Variants in ELFN2 observed in about 807,000 individuals in gnomAD.
The protein encoded by ELFN2 is extracellular leucine rich repeat and fibronectin type III domain containing 2, also known as protein phosphatase 1 regulatory subunit 29.
In ELFN2, 17 loss-of-function variants were observed where a neutral mutation model predicts 45.5. The observed-to-expected ratio is 0.37, with a 90% confidence interval of 0.26 to 0.56. The LOEUF (loss-of-function observed/expected upper bound fraction) is 0.56, where lower values mean the gene tolerates loss of function less well. Among genes scored for constraint, ELFN2 ranks in the 20% least tolerant of loss-of-function variants. ELFN2 has a pLI of 0.77. For synonymous variants in ELFN2, 550 were observed against 551.5 expected (o/e 1.00, Z 0.04); for missense variants, 922 against 1,183.2 (o/e 0.78, Z 3.24).
chr22:37,427,357 C>G lies in ELFN2; in HGVS notation c.-673G>C, dbSNP rs1373949403. ...CTCCGGGAAGCGGCGGCCGCGGGGC[C>G]TGCGCGTGTGAGTGTGAGTGTGAAT... On this transcript the variant is annotated 5_prime_UTR_variant, in exon 1 of 3. Transcript: ENST00000402918. 1 of 153,042 alleles carries G rather than the reference C, an allele frequency of 6.5e-6. No individual in the cohort carries two copies. Among genetic ancestry groups the G allele is most frequent in the South Asian group, 2.1e-4 (1 of 4,862 alleles). 9.5% of individuals were successfully genotyped at this position (153,042 alleles called of 1,614,324 possible). A position where few individuals can be genotyped will look rare whatever the true frequency, so the allele number is the denominator to read the frequency against.
intron 2 of ELFN2, among the ~76,000 whole-genome samples, chr22:37,393,103 C>T (rs1208204648): frequency 6.6e-6 from 1 of 152,242 alleles, no homozygotes; most frequent in Non-Finnish European, 1.5e-5. Context: ...CTCCCAGTGA[C>T]AGCTGCTGTG....
At chr22:37,386,308 C>T (rs927147732) in intron 2 of ELFN2, among the ~76,000 whole-genome samples, 3 of 152,136 alleles carry the variant, frequency 2.0e-5, no homozygotes, top group Admixed American at 1.3e-4. Flanking sequence ...GGTCCCACCC[C>T]TCTCCCCATG....
intron 2 of ELFN2, among the ~76,000 whole-genome samples, chr22:37,342,150 ACC>A (rs759293300): frequency 1.3e-5 from 2 of 152,046 alleles, no homozygotes; most frequent in African/African-American, 2.4e-5. Flanking sequence ...GTCCCTGGAG[ACC>A]GAGCAAGTCT....
At position 37,414,173 on chromosome 22, in the gene ELFN2, A is replaced by G. The variant is rs145535066; in HGVS notation, c.-463+3596T>C. 7.2e-5 allele frequency among the ~76,000 whole-genome samples: 11 copies of G among 152,358 alleles called. No homozygotes were observed. In the East Asian group the frequency reaches 1.7e-3, roughly 24 times the overall value. ...AGATAGAGCAGAGAACAAGACAAAA[A>G]AAAAGCTGTCTTCAGGGAGTTGATA... On this transcript the variant is annotated intron_variant, in intron 2 of 2. Transcript: ENST00000402918.
chr22:37,410,058 A>G (rs1178674197), intron 2 of ELFN2, among the ~76,000 whole-genome samples: 1 of 152,156 alleles, frequency 6.6e-6, no homozygotes, highest in Non-Finnish European at 1.5e-5. Context: ...CAGCAAATGC[A>G]CAAAGATCAC....
chr22:37,346,383 C>G (rs1379129373), intron 1 of ELFN2, among the ~76,000 whole-genome samples: 1 of 151,998 alleles, frequency 6.6e-6, no homozygotes, highest in Non-Finnish European at 1.5e-5. Context: ...CCAGCACCTC[C>G]TACCCCACCC....
At chr22:37,406,327 G>A (rs752327225) in intron 2 of ELFN2, among the ~76,000 whole-genome samples, 3 of 152,154 alleles carry the variant, frequency 2.0e-5, no homozygotes, top group Non-Finnish European at 2.9e-5. Context: ...ACACGGGGAC[G>A]AATGACTGCA....
At chr22:37,352,551 G>A (rs1930847593) in intron 1 of ELFN2, 1 of 150,998 alleles carries the variant, frequency 6.6e-6, no homozygotes, top group South Asian at 2.1e-4. Context: ...GAGGGCTCAG[G>A]GAAGACACCA....
At chr22:37,408,572 C>A (rs1212670214) in intron 2 of ELFN2, among the ~76,000 whole-genome samples, 2 of 152,194 alleles carry the variant, frequency 1.3e-5, no homozygotes, top group Non-Finnish European at 2.9e-5. Context: ...AAACTGCCAC[C>A]CCTACCATAT....
chr22:37,346,984 AT>A (rs5845334), intron 1 of ELFN2, among the ~76,000 whole-genome samples: 66,923 of 149,340 alleles, frequency 0.45, 15,136 homozygotes, highest in Middle Eastern at 0.53. Flanking sequence ...CTTCATTATT[AT>A]TTTTTTTTTT....
rs1235610589 is a variant in ELFN2 at position 37,372,485 on chromosome 22, T to A, written c.*587A>T. On this transcript the variant is annotated 3_prime_UTR_variant, in exon 3 of 3. Transcript: ENST00000402918. The surrounding 1 kb of genome is among the most constrained non-coding windows in gnomAD (Gnocchi z 4.4). ...TCCGGGACAGCACTGGGCTGGGAAG[T>A]TGGGGGACTTGAGGCTAAGCTGCTG... The A allele has an allele frequency of 6.5e-6, 1 of 152,830 alleles. No homozygotes were observed. Among genetic ancestry groups the A allele is most frequent in the Non-Finnish European group, 1.5e-5 (1 of 68,508 alleles). The allele number at this position is 152,830 out of a possible 1,614,324, so 9.5% of individuals were successfully genotyped here.
chr22:37,344,730 C>G (rs762066055), intron 1 of ELFN2, among the ~76,000 whole-genome samples: 7 of 152,150 alleles, frequency 4.6e-5, no homozygotes, highest in Non-Finnish European at 7.4e-5. Context: ...CCTCTGCGGT[C>G]CTCGAAGGCT....
At chr22:37,349,044 G>A (rs541519695) in intron 1 of ELFN2, among the ~76,000 whole-genome samples, 3 of 151,274 alleles carry the variant, frequency 2.0e-5, no homozygotes, top group African/African-American at 7.2e-5. Context: ...CCCACAGATC[G>A]CTACAGAGCA....
chr22:37,414,990 G>A (rs184273946), intron 2 of ELFN2, among the ~76,000 whole-genome samples: 1 of 152,238 alleles, frequency 6.6e-6, no homozygotes, highest in African/African-American at 2.4e-5. Context: ...CTCTGGCAAG[G>A]TGAAGTAGGG....
chr22:37,424,247 C>T (rs1239963026), intron 1 of ELFN2, among the ~76,000 whole-genome samples: 2 of 152,190 alleles, frequency 1.3e-5, no homozygotes, highest in African/African-American at 4.8e-5. Flanking sequence ...GGGAAGCTGC[C>T]ACCACCCTCT....
chr22:37,403,892 T>A (rs1340525758), intron 2 of ELFN2, among the ~76,000 whole-genome samples: 1 of 152,212 alleles, frequency 6.6e-6, no homozygotes, highest in African/African-American at 2.4e-5. Flanking sequence ...TCAGCTTCCC[T>A]GTCTGTAAAA....
chr22:37,344,212 C>CA (rs1348380205), intron 1 of ELFN2, among the ~76,000 whole-genome samples: 74 of 90,600 alleles, frequency 8.2e-4, no homozygotes, highest in East Asian at 1.1e-3. Flanking sequence ...TGCCCATGCC[C>CA]CCTGCCCACA....
downstream of ELFN2, among the ~76,000 whole-genome samples, chr22:37,363,968 G>A (rs899488448): frequency 6.6e-6 from 1 of 152,182 alleles, no homozygotes; most frequent in Non-Finnish European, 1.5e-5. Context: ...TGGGAAGGAG[G>A]CTCATGGGGC....
intron 2 of ELFN2, among the ~76,000 whole-genome samples, chr22:37,402,567 G>A (rs1012733561): frequency 1.3e-5 from 2 of 152,134 alleles, no homozygotes; most frequent in Non-Finnish European, 2.9e-5. Context: ...AGGCTCATGA[G>A]GGGGGCAGCA....
Sources: gnomAD v4.1 joint callset for allele counts (sites outside exome capture counted in the v4.1 genomes callset) on GRCh38, gnomAD v4.1.1 for gene constraint, Gnocchi (gnomAD v3.1) non-coding constraint, MANE v1.5 for transcripts, NCBI Gene and HGNC (gene_info 2026-07-23, HGNC 2026-07-21) for gene names.